Variants in FRMD3 observed in about 807,000 individuals in gnomAD.
FRMD3 encodes the protein FERM domain-containing protein 3.
In FRMD3, 33 loss-of-function variants were observed where a neutral mutation model predicts 70.2. That is an observed-to-expected ratio of 0.47 (90% CI 0.36 to 0.63). FRMD3 has a LOEUF of 0.63. Among genes scored for constraint, FRMD3 ranks in the 20% least tolerant of loss-of-function variants. The pLI is 0.00. For missense variants in FRMD3, 632 were observed against 711.4 expected, an observed-to-expected ratio of 0.89 and a Z score of 1.27; for synonymous variants, 279 against 255.9, an observed-to-expected ratio of 1.09 and a Z score of -0.86.
intron 13 of FRMD3, among the ~76,000 whole-genome samples, chr9:83,265,217 G>C (rs980720204): frequency 6.6e-6 from 1 of 151,726 alleles, no homozygotes; most frequent in African/African-American, 2.4e-5. Context: ...TGGCTAACAC[G>C]GTGAAACCCC....
intron 1 of FRMD3, among the ~76,000 whole-genome samples, chr9:83,415,442 CTTTTTTTTTT>C (rs541899087): frequency 8.0e-6 from 1 of 124,630 alleles, no homozygotes. Flanking sequence ...AAAGGAAATT[CTTTTTTTTTT>C]TTTTTTTTGA....
chr9:83,277,366 T>G (rs1262431265), intron 13 of FRMD3, among the ~76,000 whole-genome samples: 1 of 152,222 alleles, frequency 6.6e-6, no homozygotes, highest in Non-Finnish European at 1.5e-5. Context: ...CTACAATGAC[T>G]ATGGTATTTT....
At chr9:83,419,755 T>C (rs1826577142) in intron 1 of FRMD3, among the ~76,000 whole-genome samples, 1 of 152,062 alleles carries the variant, frequency 6.6e-6, no homozygotes, top group Non-Finnish European at 1.5e-5. Flanking sequence ...GAAGCACACC[T>C]TCTATTCTGT....
intron 10 of FRMD3, among the ~76,000 whole-genome samples, chr9:83,304,497 G>C (rs971929417): frequency 9.9e-5 from 15 of 152,206 alleles, no homozygotes; most frequent in African/African-American, 3.6e-4. Flanking sequence ...GCATTCAAGT[G>C]TGAGAGGCAC....
chr9:83,349,785 G>A, intron 3 of FRMD3, 28 bp from the exon 4 acceptor site: 2 of 1,556,514 alleles, frequency 1.3e-6, no homozygotes, highest in Non-Finnish European at 1.8e-6. Context: ...AAAGGCATGA[G>A]AAAAGCAGCA....
chr9:83,333,765 AG>A (rs1290722502), intron 6 of FRMD3, among the ~76,000 whole-genome samples: 1 of 152,154 alleles, frequency 6.6e-6, no homozygotes. Context: ...CAACAAAGGG[AG>A]AAGAGCATGG....
the FRMD3 span, among the ~76,000 whole-genome samples, chr9:83,569,671 T>C: frequency 1.3e-5 from 2 of 152,272 alleles, no homozygotes; most frequent in East Asian, 1.9e-4. Context: ...GTTTCATCCA[T>C]GCTGTTGCAG....
chr9:83,437,482 A>G (rs1827169808), intron 1 of FRMD3, among the ~76,000 whole-genome samples: 1 of 152,178 alleles, frequency 6.6e-6, no homozygotes, highest in Admixed American at 6.5e-5. Flanking sequence ...ATTGAAAATT[A>G]CACCTTGAGA....
chr9:83,283,706 G>T (rs572151353), intron 13 of FRMD3, among the ~76,000 whole-genome samples: 3 of 152,256 alleles, frequency 2.0e-5, no homozygotes, highest in African/African-American at 7.2e-5. Context: ...GCTACTATGT[G>T]CTTATCAGCA....
At chr9:83,531,996 A>G (rs1002263995) in intron 1 of FRMD3, among the ~76,000 whole-genome samples, 1 of 152,194 alleles carries the variant, frequency 6.6e-6, no homozygotes, top group African/African-American at 2.4e-5. Flanking sequence ...AAGCCTTCCC[A>G]CTATTTAGGA....
At chr9:83,255,425 T>C (rs929004112) in intron 13 of FRMD3, among the ~76,000 whole-genome samples, 5 of 152,066 alleles carry the variant, frequency 3.3e-5, no homozygotes, top group African/African-American at 1.2e-4. Flanking sequence ...GCCACTATCA[T>C]ACTAAATAGG....
chr9:83,254,030 CCACA>C, intron 13 of FRMD3, among the ~76,000 whole-genome samples: 1 of 151,926 alleles, frequency 6.6e-6, no homozygotes, highest in African/African-American at 2.4e-5. Flanking sequence ...AAACCAAACA[CCACA>C]TGTTCTCACT....
chr9:83,299,596 C>T (rs1384798586), intron 10 of FRMD3, among the ~76,000 whole-genome samples: 1 of 152,150 alleles, frequency 6.6e-6, no homozygotes, highest in Admixed American at 6.5e-5. Context: ...ACTTTGCTGC[C>T]TATTCCTGTA....
chr9:83,389,562 G>A, intron 2 of FRMD3, 42 bp downstream of exon 2: 2 of 1,317,518 alleles, frequency 1.5e-6, no homozygotes, highest in East Asian at 2.3e-5. Flanking sequence ...CACAGTCTGG[G>A]TCACTCCCTG....
intron 1 of FRMD3, among the ~76,000 whole-genome samples, chr9:83,404,373 T>G (rs1450604245): frequency 1.3e-5 from 2 of 152,068 alleles, no homozygotes; most frequent in Non-Finnish European, 2.9e-5. Flanking sequence ...TCCTCTGCCT[T>G]TTTTTTAACT....
intron 13 of FRMD3, among the ~76,000 whole-genome samples, chr9:83,260,268 T>C (rs1424700677): frequency 6.6e-6 from 1 of 152,162 alleles, no homozygotes; most frequent in East Asian, 1.9e-4. Flanking sequence ...AAATGAGGCA[T>C]AGGCAAGTTA....
chr9:83,279,496 AC>A (rs1317423420), intron 13 of FRMD3: 1 of 152,208 alleles, frequency 6.6e-6, no homozygotes, highest in African/African-American at 2.4e-5. Flanking sequence ...TTATAAAGAT[AC>A]AAGCAAGTGT....
intron 3 of FRMD3, among the ~76,000 whole-genome samples, chr9:83,351,463 AC>A (rs932318530): frequency 6.6e-6 from 1 of 151,604 alleles, no homozygotes; most frequent in Non-Finnish European, 1.5e-5. Flanking sequence ...TAAGAAAAGA[AC>A]CTTTTTTTTT....
intron 6 of FRMD3, among the ~76,000 whole-genome samples, chr9:83,315,810 G>A (rs528257689): frequency 3.2e-4 from 48 of 152,262 alleles, no homozygotes; most frequent in African/African-American, 1.1e-3. Flanking sequence ...CACGCACACC[G>A]GGTACCTTCC....
Sources: gnomAD v4.1 joint callset for allele counts (sites outside exome capture counted in the v4.1 genomes callset) on GRCh38, gnomAD v4.1.1 for gene constraint, MANE v1.5 for transcripts, NCBI Gene and HGNC (gene_info 2026-07-23, HGNC 2026-07-21) for gene names.